Variants in WBP2NL observed in about 807,000 individuals in gnomAD.
WBP2NL encodes the protein WBP2 N-terminal like, also known as postacrosomal sheath WW domain-binding protein.
Under a neutral mutation model 23.3 loss-of-function variants are expected in WBP2NL, and 27 were observed. The ratio of observed to expected loss-of-function variants is 1.16; its 90% confidence interval spans 0.85 to 1.60. The LOEUF (loss-of-function observed/expected upper bound fraction) is 1.60, where lower values mean the gene tolerates loss of function less well. Ranked by LOEUF, WBP2NL falls within the 40% of genes most tolerant of loss-of-function variation. The probability of loss-of-function intolerance (pLI) is 0.00; values close to 1 mark genes in which losing one functional copy is unlikely to be tolerated. For missense variants in WBP2NL, 370 were observed against 389.5 expected (o/e 0.95, Z 0.42); for synonymous variants, 151 against 145.9 (o/e 1.03, Z -0.25).
At position 42,022,318 on chromosome 22, in the gene WBP2NL, G is replaced by T; in HGVS notation, c.476G>T (p.Gly159Val). ...TCTATGGGAATTTATGTAATTACTGGGGAAGGGAATATGTGCACTCCACAG... is the reference window on the plus strand; with the variant it reads ...TCTATGGGAATTTATGTAATTACTGTGGAAGGGAATATGTGCACTCCACAG... ...FSSMGIYVIT[G>V]EGNMCTPQMP... The change falls in exon 5 of 6, where the codon GGG becomes GTG. Residue 159 changes from glycine (G) to valine (V), a missense_variant. Physicochemically the swap from Gly to Val is moderately radical, Grantham distance 109. Transcript: ENST00000328823. 1 of 1,614,080 alleles carries T rather than the reference G, an allele frequency of 6.2e-7. No individual in the cohort carries two copies. The highest frequency in any genetic ancestry group is 8.5e-7 in the Non-Finnish European group (1 of 1,179,968).
intron 1 of WBP2NL, among the ~76,000 whole-genome samples, chr22:42,018,915 GAAAAA>G (rs149512857): frequency 7.1e-6 from 1 of 141,578 alleles, no homozygotes; most frequent in Non-Finnish European, 1.5e-5. Context: ...GCTTACTCTG[GAAAAA>G]AAAAAAAAAA....
intron 8 of WBP2NL, among the ~76,000 whole-genome samples, chr22:42,043,687 C>A (rs1017930253): frequency 1.3e-5 from 2 of 151,982 alleles, no homozygotes; most frequent in Non-Finnish European, 2.9e-5. Flanking sequence ...TCCAAATGTT[C>A]TTTCAACAAT....
rs1165562087 is a variant in WBP2NL at position 42,027,157 on chromosome 22, C to T, written c.906C>T (p.Ala302=). ...APENEASLPS[A]SSSQVHS Reference sequence around the variant, plus strand: ...AAAACGAGGCTTCTCTTCCCTCTGCCTCCTCTTCTCAGGTCCATTCTTAAC... The same window carrying T: ...AAAACGAGGCTTCTCTTCCCTCTGCTTCCTCTTCTCAGGTCCATTCTTAAC... Residue 302 remains alanine (A), a synonymous_variant, in exon 6 of 6, where the codon GCC becomes GCT. Transcript: ENST00000328823. The T allele has an allele frequency of 6.2e-7, 1 of 1,613,424 alleles. No individual in the cohort carries two copies. The highest frequency in any genetic ancestry group is 1.1e-5 in the South Asian group (1 of 91,062).
intron 1 of WBP2NL, among the ~76,000 whole-genome samples, chr22:42,000,271 G>A (rs1280375026): frequency 6.6e-6 from 1 of 152,104 alleles, no homozygotes; most frequent in Non-Finnish European, 1.5e-5. Context: ...GGCCTTAGAG[G>A]TTGTATGTTC....
At chr22:42,037,011 A>G (rs569825632), downstream of WBP2NL, among the ~76,000 whole-genome samples, 6 of 152,018 alleles carry the variant, frequency 3.9e-5, no homozygotes, top group East Asian at 1.9e-4. Context: ...TACAAGACCA[A>G]TGTCAAGGTT....
downstream of WBP2NL, among the ~76,000 whole-genome samples, chr22:42,036,085 C>T (rs1302261913): frequency 2.0e-5 from 3 of 152,136 alleles, no homozygotes; most frequent in African/African-American, 7.2e-5. Flanking sequence ...AGGTTGTTTC[C>T]ATATCTTGAC....
intron 8 of WBP2NL, among the ~76,000 whole-genome samples, chr22:42,045,302 A>G (rs980541102): frequency 1.3e-5 from 2 of 151,904 alleles, no homozygotes; most frequent in African/African-American, 4.8e-5. Context: ...TTAGCCGGGC[A>G]TGGTGGTGGT....
At chr22:42,020,870 A>ATATG (rs1396149429) in intron 4 of WBP2NL, among the ~76,000 whole-genome samples, 31 of 14,086 alleles carry the variant, frequency 2.2e-3, no homozygotes, top group Non-Finnish European at 3.1e-3. Context: ...GTGTGTGTGT[A>ATATG]TATATATATA....
intron 4 of WBP2NL, among the ~76,000 whole-genome samples, chr22:42,020,634 C>T (rs78213953): frequency 0.03 from 4,510 of 151,696 alleles, 218 homozygotes; most frequent in African/African-American, 0.1. Context: ...ATCTACTGAG[C>T]GTCTCTTCCT....
chr22:42,029,370 T>A (rs1924779413), downstream of WBP2NL, among the ~76,000 whole-genome samples: 1 of 151,770 alleles, frequency 6.6e-6, no homozygotes, highest in South Asian at 2.1e-4. Flanking sequence ...TCAATATATT[T>A]TCTATGCATT....
chr22:41,999,435 G>A (rs1921350000), intron 1 of WBP2NL, among the ~76,000 whole-genome samples: 1 of 152,208 alleles, frequency 6.6e-6, no homozygotes, highest in South Asian at 2.1e-4. Context: ...ACTTTCTAAA[G>A]CCATGTTTCC....
At chr22:42,008,096 C>CCTTTCCTTTCCTTTCCTTTG (rs1922430387) in intron 1 of WBP2NL, among the ~76,000 whole-genome samples, 3 of 126,224 alleles carry the variant, frequency 2.4e-5, no homozygotes, top group Admixed American at 8.0e-5. Flanking sequence ...CTCTTCCTTT[C>CCTTTCCTTTCCTTTCCTTTG]CTTTCCTTTC....
At chr22:42,017,168 C>T (rs1923378895) in intron 1 of WBP2NL, among the ~76,000 whole-genome samples, 1 of 152,136 alleles carries the variant, frequency 6.6e-6, no homozygotes, top group Non-Finnish European at 1.5e-5. Context: ...TACTCTGTTG[C>T]CCAGGGTGGA....
At chr22:42,013,084 C>G (rs1003681962) in intron 1 of WBP2NL, among the ~76,000 whole-genome samples, 1 of 150,350 alleles carries the variant, frequency 6.7e-6, no homozygotes, top group Non-Finnish European at 1.5e-5. Flanking sequence ...AATAAGAAAT[C>G]GCTGCTGGCC....
intron 1 of WBP2NL, chr22:42,001,760 GGACA>G: frequency 1.7e-6 from 2 of 1,208,208 alleles, no homozygotes; most frequent in African/African-American, 1.5e-5. Flanking sequence ...TACCGCACCA[GGACA>G]GGACTCCGTG....
chr22:42,006,224 T>A (rs1922224726), intron 1 of WBP2NL, among the ~76,000 whole-genome samples: 1 of 150,396 alleles, frequency 6.6e-6, no homozygotes, highest in Admixed American at 6.6e-5. Context: ...TCCCAATCTT[T>A]TTTTTTTTTT....
chr22:41,998,860 C>T lies in WBP2NL; in HGVS notation c.42C>T (p.Ala14=), dbSNP rs531678605. The change falls in exon 1 of 6, where the codon GCC becomes GCT. Residue 14 remains alanine (A), a synonymous_variant. Coordinates refer to ENST00000328823, the MANE Select transcript of WBP2NL (RefSeq NM_152613.3). ...NQSHTENRRG[A]LIPNGESLLK... ...GCCACACCGAGAACCGCCGCGGAGC[C>T]CTCATCCCTAACGGTGAAAGGTGCC... 20 of 1,612,036 alleles carry T rather than the reference C, an allele frequency of 1.2e-5. No homozygotes were observed. The highest frequency in any genetic ancestry group is 2.7e-5 in the African/African-American group (2 of 74,844).
In WBP2NL at chr22:42,027,388, C is replaced by G; in HGVS notation, c.*207C>G. The G allele has an allele frequency of 1.7e-6, 1 of 598,624 alleles. No homozygotes were observed. The highest frequency in any genetic ancestry group is 2.9e-5 in the East Asian group (1 of 34,174). 37.1% of individuals were successfully genotyped at this position (598,624 alleles called of 1,614,324 possible). A position where few individuals can be genotyped will look rare whatever the true frequency, so the allele number is the denominator to read the frequency against. On this transcript the variant is annotated 3_prime_UTR_variant, in exon 6 of 6. Transcript: ENST00000328823. ...GCAGAATCAACTCTTAAATAGCTGGCTAAAGGAAGAATACCATTGTGGGGC... is the reference window on the plus strand; with the variant it reads ...GCAGAATCAACTCTTAAATAGCTGGGTAAAGGAAGAATACCATTGTGGGGC...
chr22:42,032,794 C>A (rs1391550660), downstream of WBP2NL: 1 of 468,690 alleles, frequency 2.1e-6, no homozygotes, highest in Admixed American at 2.4e-5. Context: ...GGGGTTCTGT[C>A]AAAGGGAAAG....
Sources: allele counts gnomAD v4.1 joint callset (sites outside exome capture counted in the v4.1 genomes callset), GRCh38; gene constraint gnomAD v4.1.1; transcripts MANE v1.5; gene names NCBI Gene and HGNC (gene_info 2026-07-23, HGNC 2026-07-21).